ITPR1: variants seen among roughly 807,000 people sequenced by gnomAD.
ITPR1 encodes the protein inositol 1,4,5-trisphosphate-gated calcium channel ITPR1.
In ITPR1, 96 loss-of-function variants were observed where a neutral mutation model predicts 318.4. That is an observed-to-expected ratio of 0.30 (90% CI 0.26 to 0.36). ITPR1 has a LOEUF of 0.36. ITPR1 is among the 10% of genes least tolerant of loss of function. ITPR1 has a pLI of 1.00. For missense variants in ITPR1, 2,440 were observed against 3,460.2 expected (o/e 0.71, Z 7.40); for synonymous variants, 1,312 against 1,289.9 (o/e 1.02, Z -0.37).
chr3:4,815,302 G>A (rs754340000), intron 59 of ITPR1, 84 bp downstream of exon 59: 44 of 1,352,106 alleles, frequency 3.3e-5, no homozygotes, highest in East Asian at 4.8e-5. Context: ...TGTGATGGGC[G>A]GGGTGCCTGC....
chr3:4,623,759 T>G (rs779669652), intron 4 of ITPR1, among the ~76,000 whole-genome samples: 2 of 152,252 alleles, frequency 1.3e-5, no homozygotes, highest in Non-Finnish European at 2.9e-5. Context: ...TTGAATCAGT[T>G]GCTAAGCAAC....
chr3:4,584,610 G>C (rs2089690315), intron 4 of ITPR1, among the ~76,000 whole-genome samples: 1 of 151,918 alleles, frequency 6.6e-6, no homozygotes, highest in Non-Finnish European at 1.5e-5. Context: ...TTTGGAGGGA[G>C]GGGGCCGAAG....
At chr3:4,574,099 G>GGGCA (rs1356166450) in intron 4 of ITPR1, among the ~76,000 whole-genome samples, 6 of 152,064 alleles carry the variant, frequency 3.9e-5, no homozygotes, top group Non-Finnish European at 5.9e-5. Context: ...GGAAAATGCT[G>GGGCA]TAATCTGTCT....
Position 4,699,898 on chromosome 3 carries a change from C to A in ITPR1, c.4493C>A (p.Thr1498Asn). ...GAAATCGTCATGAGTATTGTTACTA[C>A]TTTCTTCAGCTCTCCCTTCTCAGAC... ...VTEIVMSIVT[T>N]FFSSPFSDQS... Residue 1498 changes from threonine (T) to asparagine (N), a missense_variant, in exon 35 of 62, where the codon ACT (threonine) becomes AAT (asparagine). This residue lies in a region of ITPR1 where 73 missense variants were observed against 59.5 expected (regional missense o/e 1.23). Coordinates refer to ENST00000649015, the MANE Select transcript of ITPR1 (RefSeq NM_001378452.1). 1 of 1,613,740 alleles carries A rather than the reference C, an allele frequency of 6.2e-7. No individual in the cohort carries two copies. The highest frequency in any genetic ancestry group is 1.1e-5 in the South Asian group (1 of 91,080).
At chr3:4,631,044 A>G (rs906392082) in intron 5 of ITPR1, among the ~76,000 whole-genome samples, 2 of 152,232 alleles carry the variant, frequency 1.3e-5, no homozygotes, top group African/African-American at 4.8e-5. Flanking sequence ...GTGCATTGTT[A>G]CAACTTGACG....
rs142375818 is a variant in ITPR1, at chr3:4,779,884, A to G, written c.6387+239A>G. ...AAAACCACTATTACTTTTGCCGTTGAAAGTAATGGCAAAAACCGCGATTAC... is the reference window on the plus strand; with the variant it reads ...AAAACCACTATTACTTTTGCCGTTGGAAGTAATGGCAAAAACCGCGATTAC... On this transcript the variant is annotated intron_variant, in intron 49 of 61. Transcript: ENST00000649015. The surrounding 1 kb of genome is among the most constrained non-coding windows in gnomAD (Gnocchi z 4.0). Among the ~76,000 whole-genome samples, 1 of 149,768 alleles carries G rather than the reference A, an allele frequency of 6.7e-6. No homozygotes were observed. Among genetic ancestry groups the G allele is most frequent in the South Asian group, 2.3e-4 (1 of 4,428 alleles).
At chr3:4,506,964 A>C (rs562455262) in intron 2 of ITPR1, among the ~76,000 whole-genome samples, 9 of 152,366 alleles carry the variant, frequency 5.9e-5, no homozygotes, top group African/African-American at 2.2e-4. Context: ...CTGTATTTAC[A>C]ATGTTAGAAA....
chr3:4,499,591 CA>C (rs1260064788), intron 2 of ITPR1, among the ~76,000 whole-genome samples: 2 of 152,176 alleles, frequency 1.3e-5, no homozygotes, highest in Non-Finnish European at 1.5e-5. Context: ...AAATACATTA[CA>C]AATGGTTGAT....
intron 31 of ITPR1, 33 bp downstream of exon 31, chr3:4,688,653 A>G (rs1294264911): frequency 6.2e-7 from 1 of 1,600,772 alleles, no homozygotes. Context: ...AAATCTATAG[A>G]GGGAGGAGGG....
At chr3:4,793,312 G>A (rs192936479) in intron 52 of ITPR1, among the ~76,000 whole-genome samples, 14 of 152,234 alleles carry the variant, frequency 9.2e-5, no homozygotes, top group Non-Finnish European at 1.9e-4. Flanking sequence ...CCTCTGAAAC[G>A]AATGCTGGCT....
chr3:4,550,518 C>A (rs1479091563), intron 4 of ITPR1, among the ~76,000 whole-genome samples: 2 of 152,234 alleles, frequency 1.3e-5, no homozygotes, highest in East Asian at 1.9e-4. Context: ...TAAACTGTTA[C>A]ATGAAAAATA....
At chr3:4,759,320 T>G (rs1222654532) in intron 44 of ITPR1, among the ~76,000 whole-genome samples, 2 of 152,234 alleles carry the variant, frequency 1.3e-5, no homozygotes, top group African/African-American at 4.8e-5. Flanking sequence ...TGTTATTCTT[T>G]TAATCTAAGA....
At chr3:4,628,458 CTCA>C (rs1426488279) in intron 5 of ITPR1, among the ~76,000 whole-genome samples, 1 of 152,216 alleles carries the variant, frequency 6.6e-6, no homozygotes, top group African/African-American at 2.4e-5. Flanking sequence ...TTGAGCCTCT[CTCA>C]TCCTGTTTCA....
In ITPR1 at chr3:4,596,199, C is replaced by T. The variant is rs973036430; in HGVS notation, c.164-31564C>T. ...CTATACTTCAGGTAAGTTTCTACAG[C>T]GAAATTTCCTGATGAGCCAAGAATT... On this transcript the variant is annotated intron_variant, in intron 4 of 61. Transcript: ENST00000649015. 3.3e-5 allele frequency: 5 copies of T among 152,206 alleles called. No homozygotes were observed. In the South Asian group the frequency reaches 1.0e-3, roughly 32 times the overall value. 9.4% of individuals were successfully genotyped at this position (152,206 alleles called of 1,614,324 possible). A position where few individuals can be genotyped will look rare whatever the true frequency, so the allele number is the denominator to read the frequency against.
At chr3:4,814,818 G>GC in intron 58 of ITPR1, 1 of 597,790 alleles carries the variant, frequency 1.7e-6, no homozygotes, top group South Asian at 2.2e-5. Context: ...TCAGGGTTAG[G>GC]CCTGATCCAC....
intron 23 of ITPR1, 66 bp from the exon 24 acceptor site, chr3:4,676,548 C>T (rs989233713): frequency 2.4e-6 from 3 of 1,254,302 alleles, no homozygotes; most frequent in East Asian, 4.7e-5. Flanking sequence ...GCCCCTGCCC[C>T]TTGACATATG....
At chr3:4,529,943 A>G (rs2083279184) in intron 4 of ITPR1, among the ~76,000 whole-genome samples, 1 of 152,222 alleles carries the variant, frequency 6.6e-6, no homozygotes, top group Non-Finnish European at 1.5e-5. Context: ...TCACGTAGCT[A>G]GAAGTGGCAG....
chr3:4,702,990 G>T, intron 36 of ITPR1, 40 bp downstream of exon 36: 1 of 1,597,728 alleles, frequency 6.3e-7, no homozygotes, highest in Non-Finnish European at 8.6e-7. Context: ...TGATGAAAAT[G>T]AATTGTCTGA....
intron 12 of ITPR1, among the ~76,000 whole-genome samples, chr3:4,656,870 T>C (rs2125181366): frequency 6.6e-6 from 1 of 152,294 alleles, no homozygotes; most frequent in East Asian, 1.9e-4. Context: ...ATGTTAGACA[T>C]GGAAAATCAC....
Sources: allele counts gnomAD v4.1 joint callset (sites outside exome capture counted in the v4.1 genomes callset), GRCh38; gene constraint gnomAD v4.1.1; regional missense constraint gnomAD v4.1.1; non-coding constraint Gnocchi (gnomAD v3.1); transcripts MANE v1.5; gene names NCBI Gene and HGNC (gene_info 2026-07-23, HGNC 2026-07-21).